RBL1: variants seen among roughly 807,000 people sequenced by gnomAD.
RBL1 encodes the protein retinoblastoma-like protein 1.
RBL1 carries 82 observed loss-of-function variants against 123.0 expected under a neutral mutation model. That is an observed-to-expected ratio of 0.67 (90% CI 0.56 to 0.80). The LOEUF (loss-of-function observed/expected upper bound fraction) is 0.80. Among genes scored for constraint, RBL1 ranks in the 30% least tolerant of loss-of-function variants. The probability of loss-of-function intolerance (pLI) is 0.00; values close to 1 mark genes in which losing one functional copy is unlikely to be tolerated. For missense variants in RBL1, 1,171 were observed against 1,299.6 expected (o/e 0.90, Z 1.52); for synonymous variants, 405 against 441.3 (o/e 0.92, Z 1.03).
chr20:37,023,068 A>G (rs987694415), intron 16 of RBL1, among the ~76,000 whole-genome samples: 14 of 152,194 alleles, frequency 9.2e-5, no homozygotes, highest in African/African-American at 3.4e-4. Flanking sequence ...GTAAAGTAAG[A>G]AAAAATGAAA....
intron 15 of RBL1, among the ~76,000 whole-genome samples, chr20:37,033,505 G>C (rs1054126589): frequency 2.0e-5 from 3 of 151,218 alleles, no homozygotes; most frequent in Non-Finnish European, 2.9e-5. Flanking sequence ...TTAGAGATGG[G>C]AGTTTTGCCA....
chr20:37,003,108 G>C (rs2064014361), intron 21 of RBL1, among the ~76,000 whole-genome samples: 1 of 152,134 alleles, frequency 6.6e-6, no homozygotes. Context: ...TAATAAGAAG[G>C]AGCCACTGTA....
chr20:37,012,473 G>A (rs1313775635), intron 19 of RBL1, among the ~76,000 whole-genome samples: 7 of 150,856 alleles, frequency 4.6e-5, no homozygotes, highest in Admixed American at 6.6e-5. Flanking sequence ...GTCTCTGCCC[G>A]GCCGCCCATC....
intron 21 of RBL1, among the ~76,000 whole-genome samples, chr20:37,000,422 G>T (rs1265166854): frequency 8.4e-6 from 1 of 119,082 alleles, no homozygotes; most frequent in Non-Finnish European, 1.9e-5. Flanking sequence ...GAGGTGGGGG[G>T]GTCATCCCTC....
rs879272660 is a variant in RBL1 at position 37,021,448 on chromosome 20, CT to C, written c.2560-719del. ...ACATTTATCTTTTAATTTTTTAATTCTTTTTTTTTTTTTTGAGATAGAGTCT... is the reference window on the plus strand; with the variant it reads ...ACATTTATCTTTTAATTTTTTAATTCTTTTTTTTTTTTTGAGATAGAGTCT... On this transcript the variant is annotated intron_variant, in intron 17 of 21. Transcript: ENST00000373664. 7.1e-3 allele frequency among the ~76,000 whole-genome samples: 1,015 copies of C among 142,818 alleles called. 8 individuals are homozygous for C. The highest frequency in any genetic ancestry group is 4.1e-3 in the Admixed American group (58 of 14,130). 93.7% of individuals were successfully genotyped at this position (142,818 alleles called of 152,430 possible). A position where few individuals can be genotyped will look rare whatever the true frequency, so the allele number is the denominator to read the frequency against.
chr20:37,061,326 G>A, intron 8 of RBL1, 57 bp from the exon 9 acceptor site: 2 of 1,571,106 alleles, frequency 1.3e-6, no homozygotes, highest in East Asian at 2.3e-5. Flanking sequence ...CTTATTATGT[G>A]TTTAATTCAG....
chr20:37,040,393 C>T, intron 13 of RBL1, 108 bp from the exon 14 acceptor site: 1 of 1,447,360 alleles, frequency 6.9e-7, no homozygotes, highest in Non-Finnish European at 9.1e-7. Flanking sequence ...ATTCTGTTGC[C>T]CAGGCTGGAA....
chr20:37,043,615 G>A (rs781724642), intron 13 of RBL1, among the ~76,000 whole-genome samples: 1 of 152,104 alleles, frequency 6.6e-6, no homozygotes, highest in South Asian at 2.1e-4. Flanking sequence ...GGTGTAGTCA[G>A]TGCACCATCT....
At chr20:37,076,380 GTCTC>G (rs781028550) in intron 2 of RBL1, among the ~76,000 whole-genome samples, 7 of 152,112 alleles carry the variant, frequency 4.6e-5, no homozygotes, top group Non-Finnish European at 7.3e-5. Context: ...TGTGAATGTG[GTCTC>G]TCTCTCTTTC....
At position 37,062,675 on chromosome 20, in the gene RBL1, G is replaced by A. The variant is rs932019379; in HGVS notation, c.897-405C>T. Among the ~76,000 whole-genome samples the A allele has an allele frequency of 8.9e-5, 13 of 146,316 alleles. No individual in the cohort carries two copies. In the South Asian group the frequency reaches 2.3e-3, roughly 26 times the overall value. On this transcript the variant is annotated intron_variant, in intron 7 of 21. Coordinates refer to ENST00000373664, the MANE Select transcript of RBL1 (RefSeq NM_002895.5). ...AAAAAAAAAAAAAAAAAAAAAATGG[G>A]CCAGGCGCGGTGGCTCACGCCTGTA...
chr20:37,038,205 T>A (rs1256822180), intron 14 of RBL1, among the ~76,000 whole-genome samples: 1 of 150,812 alleles, frequency 6.6e-6, no homozygotes, highest in East Asian at 2.0e-4. Flanking sequence ...TTGGCCAGGC[T>A]GGTCTCAAAC....
chr20:36,998,737 T>G lies in RBL1; in HGVS notation c.*22A>C, dbSNP rs1463501310. On this transcript the variant is annotated 3_prime_UTR_variant, in exon 22 of 22. Transcript: ENST00000373664. ...CTGCAGAACAATCTGAAAGTGCTTT[T>G]ATCATAGAAACAAGAACAACATTAA... 6.3e-7 allele frequency: 1 copy of G among 1,592,056 alleles called. No homozygotes were observed. Among genetic ancestry groups the G allele is most frequent in the Non-Finnish European group, 8.6e-7 (1 of 1,165,476 alleles).
chr20:37,070,785 C>A (rs1408936753), intron 2 of RBL1, among the ~76,000 whole-genome samples: 5 of 152,014 alleles, frequency 3.3e-5, no homozygotes, highest in African/African-American at 1.2e-4. Flanking sequence ...GTGCCCAGGC[C>A]AATTCTGGGT....
chr20:37,058,451 G>T (rs2065047840), intron 9 of RBL1, among the ~76,000 whole-genome samples: 1 of 151,216 alleles, frequency 6.6e-6, no homozygotes, highest in Non-Finnish European at 1.5e-5. Flanking sequence ...GGAGGTGGAG[G>T]TTGCAGTGAG....
chr20:37,018,172 C>G, intron 19 of RBL1, 107 bp downstream of exon 19: 1 of 1,275,486 alleles, frequency 7.8e-7, no homozygotes, highest in Non-Finnish European at 1.0e-6. Context: ...GCATTGTCCA[C>G]CTCACCTCCT....
At position 37,095,913 on chromosome 20, in the gene RBL1, G is replaced by C; in HGVS notation, c.16C>G (p.Pro6Ala). 1 of 1,594,858 alleles carries C rather than the reference G, an allele frequency of 6.3e-7. No individual in the cohort carries two copies. The highest frequency in any genetic ancestry group is 8.5e-7 in the Non-Finnish European group (1 of 1,171,678). The change falls in exon 1 of 22, where the codon CCC becomes GCC. Residue 6 changes from proline to alanine, a missense_variant. Pro to Ala is a conservative substitution (Grantham distance 27). Coordinates refer to ENST00000373664, the MANE Select transcript of RBL1 (RefSeq NM_002895.5). ...ACCACCGCCGCCCCCTCAGCGTGGG[G>C]CTTGTCCTCGAACATCCCTTCAGGC... MFEDK[P>A]HAEGAAVVAA...
At chr20:37,037,744 C>T (rs1254104812) in intron 14 of RBL1, among the ~76,000 whole-genome samples, 2 of 151,270 alleles carry the variant, frequency 1.3e-5, no homozygotes, top group Non-Finnish European at 2.9e-5. Context: ...GGCACAATCT[C>T]GGCTCACTGC....
chr20:37,000,727 G>A (rs1331989877), intron 21 of RBL1, among the ~76,000 whole-genome samples: 4 of 128,782 alleles, frequency 3.1e-5, no homozygotes, highest in African/African-American at 1.2e-4. Flanking sequence ...AGGCGGGGAG[G>A]TCAGCCCCCC....
intron 2 of RBL1, chr20:37,082,045 G>C (rs565003208): frequency 1.6e-4 from 74 of 455,866 alleles, no homozygotes; most frequent in African/African-American, 1.3e-3. Context: ...AGACAGCACA[G>C]AGCATGTGTC....
Sources: gnomAD v4.1 joint callset for allele counts (sites outside exome capture counted in the v4.1 genomes callset) on GRCh38, gnomAD v4.1.1 for gene constraint, MANE v1.5 for transcripts, NCBI Gene and HGNC (gene_info 2026-07-23, HGNC 2026-07-21) for gene names.